The following CDH4 variants were observed in gnomAD, a reference collection of about 807,000 sequenced individuals.
The protein encoded by CDH4 is cadherin-4.
A neutral mutation model predicts 86.0 loss-of-function variants in CDH4; 33 were observed. The observed-to-expected ratio is 0.38, with a 90% confidence interval of 0.29 to 0.51. The LOEUF is 0.51. Ranked by LOEUF, CDH4 falls within the 20% of genes least tolerant of loss-of-function variation. The probability of loss-of-function intolerance (pLI) is 0.86; values close to 1 mark genes in which losing one functional copy is unlikely to be tolerated. For missense variants in CDH4, 1,114 were observed against 1,307.4 expected, an observed-to-expected ratio of 0.85 and a Z score of 2.28; for synonymous variants, 555 against 549.4, an observed-to-expected ratio of 1.01 and a Z score of -0.14.
At chr20:61,921,983 C>CT (rs1412043963) in intron 9 of CDH4, among the ~76,000 whole-genome samples, 1 of 152,088 alleles carries the variant, frequency 6.6e-6, no homozygotes, top group Non-Finnish European at 1.5e-5. Context: ...ATGTGGGTTG[C>CT]TTTTTTGCCC....
At position 61,754,794 on chromosome 20, in the gene CDH4, GCCACACACA is replaced by G. The variant is rs1165921828; in HGVS notation, c.396+11016_396+11024del. 2.1e-4 allele frequency among the ~76,000 whole-genome samples: 29 copies of G among 135,806 alleles called. No homozygotes were observed. In the South Asian group the frequency reaches 5.9e-3, roughly 27 times the overall value. The allele number at this position is 135,806 out of a possible 152,430, so 89.1% of individuals were successfully genotyped here. On this transcript the variant is annotated intron_variant, in intron 3 of 15. Coordinates refer to ENST00000614565, the MANE Select transcript of CDH4 (RefSeq NM_001794.5). This position sits in a 1 kb window ranked among gnomAD's most constrained non-coding sequence, Gnocchi z 4.7. ...CACACACACCACACACACACTGCAC[GCCACACACA>G]CCACACACACGATGCATGCCACACA...
chr20:61,478,723 G>A (rs926576790), intron 2 of CDH4, among the ~76,000 whole-genome samples: 6 of 152,234 alleles, frequency 3.9e-5, no homozygotes, highest in African/African-American at 1.2e-4. Flanking sequence ...CGTGAAAAAT[G>A]CAGAAGACCT....
intron 8 of CDH4, among the ~76,000 whole-genome samples, chr20:61,903,755 AC>A (rs1297594134): frequency 6.6e-6 from 1 of 152,090 alleles, no homozygotes; most frequent in Non-Finnish European, 1.5e-5. Context: ...ACCCTTCCCC[AC>A]CGCTGGTGAC....
intron 2 of CDH4, among the ~76,000 whole-genome samples, chr20:61,673,897 A>G (rs1322424251): frequency 6.6e-6 from 1 of 152,216 alleles, no homozygotes; most frequent in Admixed American, 6.5e-5. Context: ...CAGGAAATCA[A>G]AGTCCTTGCA....
Position 61,873,831 on chromosome 20 carries a change from C to A in CDH4, c.981C>A (p.Ser327=). 1 of 1,614,126 alleles carries A rather than the reference C, an allele frequency of 6.2e-7. No homozygotes were observed. ...TGACCCAGACCCCACAGAGCCCGTC[C>A]CAGAATATGTTCACCATCAACAGCG... The part of the protein sequence containing the change: ...RIVTQTPQSP[S]QNMFTINSET... Residue 327 remains serine (S), a synonymous_variant, in exon 7 of 16, where the codon TCC becomes TCA. Coordinates refer to ENST00000614565, the MANE Select transcript of CDH4 (RefSeq NM_001794.5).
At chr20:61,283,441 T>C (rs13041045) in intron 2 of CDH4, among the ~76,000 whole-genome samples, 4,525 of 17,750 alleles carry the variant, frequency 0.25, 861 homozygotes, top group East Asian at 0.39. Flanking sequence ...TGTGCTGTGG[T>C]GTGTGTGATG....
At chr20:61,359,869 G>A (rs1271521239) in intron 2 of CDH4, among the ~76,000 whole-genome samples, 2 of 152,226 alleles carry the variant, frequency 1.3e-5, no homozygotes, top group African/African-American at 4.8e-5. Flanking sequence ...TGAGTGATCA[G>A]CCATAATAAA....
At chr20:61,727,874 T>C (rs916914518) in intron 2 of CDH4, among the ~76,000 whole-genome samples, 3 of 152,072 alleles carry the variant, frequency 2.0e-5, no homozygotes, top group African/African-American at 7.2e-5. Context: ...ACCCTGGGGA[T>C]CCAATTTCCA....
chr20:61,399,379 G>A (rs1374848396), intron 2 of CDH4, among the ~76,000 whole-genome samples: 1 of 146,218 alleles, frequency 6.8e-6, no homozygotes, highest in African/African-American at 2.6e-5. Context: ...TGATCCACCC[G>A]CCTCAGCCTC....
At chr20:61,830,023 A>G (rs1379418389) in intron 4 of CDH4, among the ~76,000 whole-genome samples, 1 of 151,884 alleles carries the variant, frequency 6.6e-6, no homozygotes, top group Non-Finnish European at 1.5e-5. Context: ...TGCAGGCCCC[A>G]GATCTCTAAA....
intron 2 of CDH4, among the ~76,000 whole-genome samples, chr20:61,275,391 A>G (rs2084224210): frequency 1.5e-5 from 1 of 68,258 alleles, no homozygotes; most frequent in African/African-American, 6.1e-5. Flanking sequence ...TACTGTGTGC[A>G]GTTTGGGGAG....
intron 2 of CDH4, among the ~76,000 whole-genome samples, chr20:61,670,554 C>T (rs1002104701): frequency 1.3e-5 from 2 of 152,162 alleles, no homozygotes; most frequent in East Asian, 1.9e-4. Flanking sequence ...CTGGAGGTAC[C>T]ATTGCCAAAA....
intron 2 of CDH4, among the ~76,000 whole-genome samples, chr20:61,379,067 G>A (rs6062233): frequency 0.25 from 37,449 of 152,084 alleles, 4,999 homozygotes; most frequent in African/African-American, 0.34. Flanking sequence ...AAAAGGGAGC[G>A]TGAGAATGCC....
At chr20:61,526,407 C>T (rs2085910639) in intron 2 of CDH4, among the ~76,000 whole-genome samples, 1 of 152,156 alleles carries the variant, frequency 6.6e-6, no homozygotes. Flanking sequence ...GGACCCCTCA[C>T]AGGAGCAGGA....
chr20:61,537,474 G>A (rs932382410), intron 2 of CDH4, among the ~76,000 whole-genome samples: 1 of 152,154 alleles, frequency 6.6e-6, no homozygotes, highest in Non-Finnish European at 1.5e-5. Context: ...GGGAGCTGGG[G>A]ACCGCAACCT....
intron 7 of CDH4, among the ~76,000 whole-genome samples, chr20:61,893,663 A>C (rs971975620): frequency 5.5e-5 from 8 of 144,738 alleles, no homozygotes; most frequent in African/African-American, 2.1e-4. Flanking sequence ...GGATGGGTGA[A>C]TAGAGGGATA....
chr20:61,925,626 C>A (rs1394858700), intron 11 of CDH4, among the ~76,000 whole-genome samples: 1 of 152,234 alleles, frequency 6.6e-6, no homozygotes, highest in Non-Finnish European at 1.5e-5. Context: ...GCTTGGCTGA[C>A]AGCCCGAGTG....
chr20:61,523,802 C>T (rs957973318), intron 2 of CDH4, among the ~76,000 whole-genome samples: 7 of 152,284 alleles, frequency 4.6e-5, no homozygotes, highest in African/African-American at 1.4e-4. Flanking sequence ...CTTTCACTGC[C>T]GGGGAGACCC....
At chr20:61,558,480 G>T (rs1415056875) in intron 2 of CDH4, among the ~76,000 whole-genome samples, 1 of 152,200 alleles carries the variant, frequency 6.6e-6, no homozygotes, top group Non-Finnish European at 1.5e-5. Context: ...AGAGGATTTT[G>T]TAGCTCTCTG....
Sources: gnomAD v4.1 joint callset for allele counts (sites outside exome capture counted in the v4.1 genomes callset) on GRCh38, gnomAD v4.1.1 for gene constraint, Gnocchi (gnomAD v3.1) non-coding constraint, MANE v1.5 for transcripts, NCBI Gene and HGNC (gene_info 2026-07-23, HGNC 2026-07-21) for gene names.